CTNNAL1: variants seen among roughly 807,000 people sequenced by gnomAD.
CTNNAL1 encodes alpha-catulin.
CTNNAL1 carries 69 observed loss-of-function variants against 93.6 expected under a neutral mutation model. That is an observed-to-expected ratio of 0.74 (90% confidence interval 0.61 to 0.90). The LOEUF (loss-of-function observed/expected upper bound fraction) is 0.90. Ranked by LOEUF, CTNNAL1 falls within the 40% of genes least tolerant of loss-of-function variation. The pLI, the probability that CTNNAL1 is intolerant of heterozygous loss-of-function variation, is 0.00. For missense variants in CTNNAL1, 836 were observed against 862.0 expected (o/e 0.97, Z 0.38); for synonymous variants, 286 against 305.4 (o/e 0.94, Z 0.66).
intron 11 of CTNNAL1, among the ~76,000 whole-genome samples, chr9:108,964,252 T>C (rs1830893911): frequency 6.6e-6 from 1 of 152,190 alleles, no homozygotes; most frequent in Admixed American, 6.5e-5. Flanking sequence ...ATAGCTATAA[T>C]TCTATTATGC....
Position 108,972,780 on chromosome 9 carries a change from A to G in CTNNAL1, c.1242T>C (p.Asp414=). ...LAADLLKYHA[D]HVVLKALKLT... is the part of the protein sequence containing the mutation. Reference sequence around the variant, plus strand: ...GTTTTAATGCTTTTAGAACCACATGATCAGCATGGTATTTTAATAGATCTG... The same window carrying G: ...GTTTTAATGCTTTTAGAACCACATGGTCAGCATGGTATTTTAATAGATCTG... Residue 414 remains aspartate (D), a synonymous_variant, in exon 9 of 19, where the codon GAT becomes GAC. Transcript: ENST00000325551. The G allele has an allele frequency of 7.2e-7, 1 of 1,384,738 alleles. No individual in the cohort carries two copies. Among genetic ancestry groups the G allele is most frequent in the Non-Finnish European group, 9.6e-7 (1 of 1,039,130 alleles). 85.8% of individuals were successfully genotyped at this position (1,384,738 alleles called of 1,614,324 possible).
At position 108,959,317 on chromosome 9, in the gene CTNNAL1, A is replaced by G. The variant is rs550797893; in HGVS notation, c.1592-3490T>C. ...GAGGCAGAGCTTGCAGTGAGCTGAG[A>G]TCACGCCACTGCACTCCAGCCTGGG... On this transcript the variant is annotated intron_variant, in intron 11 of 18. Transcript: ENST00000325551. Among the ~76,000 whole-genome samples, 7 of 146,818 alleles carry G rather than the reference A, an allele frequency of 4.8e-5. No individual in the cohort carries two copies. In the East Asian group the frequency reaches 1.4e-3, roughly 30 times the overall value.
At chr9:108,979,530 C>A in intron 6 of CTNNAL1, 49 bp from the exon 7 acceptor site, 1 of 1,572,082 alleles carries the variant, frequency 6.4e-7, no homozygotes. Flanking sequence ...AATATTCCCA[C>A]CTGACCAAAA....
chr9:108,972,850 G>T lies in CTNNAL1; in HGVS notation c.1189-17C>A, dbSNP rs760564053. The stretch of plus-strand genomic sequence containing the variant: ...ACTATGAAGCTGCAGATGTGTGTGT[G>T]GGTGGGGGGGTGGGAGGGTGGAGAA... On this transcript the variant is annotated splice_polypyrimidine_tract_variant and intron_variant, in intron 8 of 18. Coordinates refer to ENST00000325551, the MANE Select transcript of CTNNAL1 (RefSeq NM_003798.4). 1.1e-5 allele frequency: 16 copies of T among 1,411,586 alleles called. No homozygotes were observed. In the East Asian group the frequency reaches 3.6e-4, roughly 31 times the overall value. The allele number at this position is 1,411,586 out of a possible 1,614,324, so 87.4% of individuals were successfully genotyped here. A position where few individuals can be genotyped will look rare whatever the true frequency, so the allele number is the denominator to read the frequency against.
chr9:109,011,987 T>A (rs1827217432), intron 1 of CTNNAL1, among the ~76,000 whole-genome samples: 1 of 152,214 alleles, frequency 6.6e-6, no homozygotes, highest in Non-Finnish European at 1.5e-5. Context: ...GTTGTGCTAG[T>A]GGAGATAGGC....
Position 108,951,999 on chromosome 9 carries a change from C to G in CTNNAL1, c.1835+210G>C, listed in dbSNP as rs1220971213. On this transcript the variant is annotated intron_variant, in intron 14 of 18. Coordinates refer to ENST00000325551, the MANE Select transcript of CTNNAL1 (RefSeq NM_003798.4). The stretch of plus-strand genomic sequence containing the variant: ...ATGGAAAGAGTGGGCAGAAACCTAG[C>G]AGAAGATCCCTTCTAAATCTAAATC... Among the ~76,000 whole-genome samples, 4 of 151,990 alleles carry G rather than the reference C, an allele frequency of 2.6e-5. No homozygotes were observed. The South Asian group carries it at 8.3e-4, about 32-fold the overall frequency.
chr9:109,004,280 A>G lies in CTNNAL1; in HGVS notation c.142-5024T>C, dbSNP rs112686569. Among the ~76,000 whole-genome samples, 297 of 152,270 alleles carry G rather than the reference A, an allele frequency of 2.0e-3. 2 individuals are homozygous for G. The highest frequency in any genetic ancestry group is 6.7e-3 in the African/African-American group (280 of 41,556). The stretch of plus-strand genomic sequence containing the variant: ...ACCGTACTCCTAAACATTACCCTAT[A>G]ATGTCGTACAACAATCCAGTGAAAT... On this transcript the variant is annotated intron_variant, in intron 1 of 18. Coordinates refer to ENST00000325551, the MANE Select transcript of CTNNAL1 (RefSeq NM_003798.4).
chr9:108,998,997 C>A, intron 2 of CTNNAL1, 70 bp downstream of exon 2: 1 of 1,480,670 alleles, frequency 6.8e-7, no homozygotes, highest in South Asian at 1.4e-5. Flanking sequence ...CCAAATAAAT[C>A]AATAATTTTT....
rs188384397 is a variant in CTNNAL1, at chr9:108,983,489, G to A, written c.730-174C>T. ...AGTGGAAGCAGGATGAGTAAAAAGC[G>A]ATAGCAAGGTTAAATAAAAAATGCA... On this transcript the variant is annotated intron_variant, in intron 5 of 18. Coordinates refer to ENST00000325551, the MANE Select transcript of CTNNAL1 (RefSeq NM_003798.4). 4.6e-5 allele frequency among the ~76,000 whole-genome samples: 7 copies of A among 152,244 alleles called. No individual in the cohort carries two copies. In the East Asian group the frequency reaches 9.6e-4, roughly 21 times the overall value.
At position 108,970,508 on chromosome 9, in the gene CTNNAL1, T is replaced by C. The variant is rs374675735; in HGVS notation, c.1348-14A>G. ...CAATCGACAGGTCTACAAGACAATA[T>C]GTCTACAGTTTAACTTTCACATCCT... On this transcript the variant is annotated splice_polypyrimidine_tract_variant and intron_variant, in intron 9 of 18. Transcript: ENST00000325551. 442 of 1,597,406 alleles carry C rather than the reference T, an allele frequency of 2.8e-4. 4 individuals carry two copies. Among genetic ancestry groups the C allele is most frequent in the Non-Finnish European group, 4.8e-5 (56 of 1,172,976 alleles).
Position 108,972,618 on chromosome 9 carries a change from CAT to C in CTNNAL1, c.1347+55_1347+56del, listed in dbSNP as rs1314008310. 3.5e-6 allele frequency: 5 copies of C among 1,425,032 alleles called. No individual in the cohort carries two copies. In the African/African-American group the frequency reaches 4.3e-5, roughly 12 times the overall value. The allele number at this position is 1,425,032 out of a possible 1,614,324, so 88.3% of individuals were successfully genotyped here. A position where few individuals can be genotyped will look rare whatever the true frequency, so the allele number is the denominator to read the frequency against. On this transcript the variant is annotated intron_variant, in intron 9 of 18. Transcript: ENST00000325551. ...AACTGTATTTGTGTTAACATTCCCA[CAT>C]AGTTTAATAAAGCCATTATTAAACT... is the stretch of plus-strand genomic sequence containing the variant.
rs192298659 is a variant in CTNNAL1, at chr9:109,004,802, T to A, written c.142-5546A>T. 6.4e-3 allele frequency among the ~76,000 whole-genome samples: 975 copies of A among 151,654 alleles called. 5 individuals are homozygous for A. Among genetic ancestry groups the A allele is most frequent in the Non-Finnish European group, 9.1e-3 (620 of 67,838 alleles). Reference sequence around the variant, plus strand: ...CTCTGTCTTGAAAAAAATAAATAAATAAATAAATAAATAAGAAGAGTTAAT... The same window carrying A: ...CTCTGTCTTGAAAAAAATAAATAAAAAAATAAATAAATAAGAAGAGTTAAT... On this transcript the variant is annotated intron_variant, in intron 1 of 18. Coordinates refer to ENST00000325551, the MANE Select transcript of CTNNAL1 (RefSeq NM_003798.4).
In CTNNAL1 at chr9:108,999,560, C is replaced by T. The variant is rs144322451; in HGVS notation, c.142-304G>A. Among the ~76,000 whole-genome samples, 68 of 152,268 alleles carry T rather than the reference C, an allele frequency of 4.5e-4. No individual in the cohort carries two copies. In the East Asian group the frequency reaches 9.8e-3, roughly 22 times the overall value. ...CAAATCTTAAGGAGAAAAGTAGAAG[C>T]GGATAGATCATTACATTCAGAAAGC... On this transcript the variant is annotated intron_variant, in intron 1 of 18. Transcript: ENST00000325551.
intron 3 of CTNNAL1, chr9:108,992,078 AG>A: frequency 1.3e-6 from 1 of 768,408 alleles, no homozygotes. Flanking sequence ...CTGATTTGGG[AG>A]GGAAAAAAAG....
Position 109,013,290 on chromosome 9 carries a change from G to T in CTNNAL1, c.141+12C>A. 1 of 1,485,846 alleles carries T rather than the reference G, an allele frequency of 6.7e-7. No individual in the cohort carries two copies. The highest frequency in any genetic ancestry group is 8.9e-7 in the Non-Finnish European group (1 of 1,117,612). The allele number at this position is 1,485,846 out of a possible 1,614,324, so 92.0% of individuals were successfully genotyped here. A position where few individuals can be genotyped will look rare whatever the true frequency, so the allele number is the denominator to read the frequency against. Reference sequence around the variant, plus strand: ...GGAAGGAGAAGAGGGGCCGCGCCAGGCGCCACTTTACCTGAGAAACCAGCG... The same window carrying T: ...GGAAGGAGAAGAGGGGCCGCGCCAGTCGCCACTTTACCTGAGAAACCAGCG... On this transcript the variant is annotated intron_variant, in intron 1 of 18. Coordinates refer to ENST00000325551, the MANE Select transcript of CTNNAL1 (RefSeq NM_003798.4).
Position 108,970,494 on chromosome 9 carries a change from T to A in CTNNAL1, c.1348A>T (p.Thr450Ser). 1 of 1,609,004 alleles carries A rather than the reference T, an allele frequency of 6.2e-7. No individual in the cohort carries two copies. The highest frequency in any genetic ancestry group is 8.5e-7 in the Non-Finnish European group (1 of 1,177,874). Reference protein sequence around the residue: ...LSEQKEQLVETCRLLRHISGT... With the variant: ...LSEQKEQLVESCRLLRHISGT... ...GATATGTGTCGTAACAATCGACAGG[T>A]CTACAAGACAATATGTCTACAGTTT... The change falls in exon 10 of 19, where the codon ACC becomes TCC. Residue 450 changes from threonine (T) to serine (S), a missense_variant and splice_region_variant. Physicochemically the swap from Thr to Ser is moderately conservative, Grantham distance 58 (BLOSUM62 1). Transcript: ENST00000325551.
intron 17 of CTNNAL1, among the ~76,000 whole-genome samples, chr9:108,943,423 G>C (rs1022379783): frequency 6.6e-6 from 1 of 152,128 alleles, no homozygotes; most frequent in African/African-American, 2.4e-5. Flanking sequence ...GACCAGACTC[G>C]GAGGCACCTG....
chr9:109,007,402 C>T (rs114021333), intron 1 of CTNNAL1, among the ~76,000 whole-genome samples: 170 of 152,124 alleles, frequency 1.1e-3, no homozygotes, highest in African/African-American at 4.0e-3. Context: ...AGGTAGGCTA[C>T]CTTAGAAATT....
intron 14 of CTNNAL1, among the ~76,000 whole-genome samples, chr9:108,950,023 C>CAA (rs145183101): frequency 1.2e-3 from 95 of 76,018 alleles, no homozygotes; most frequent in South Asian, 1.7e-3. Context: ...GGCTACATCT[C>CAA]AAAAAAAAAA....
Sources: allele counts gnomAD v4.1 joint callset (sites outside exome capture counted in the v4.1 genomes callset), GRCh38; gene constraint gnomAD v4.1.1; transcripts MANE v1.5; gene names NCBI Gene and HGNC (gene_info 2026-07-23, HGNC 2026-07-21).